The following SEPTIN6 variants were observed in gnomAD, a reference collection of about 807,000 sequenced individuals.
SEPTIN6 encodes the protein septin 6.
Under a neutral mutation model 33.6 loss-of-function variants are expected in SEPTIN6, and 8 were observed. The observed-to-expected ratio is 0.24, with a 90% CI of 0.14 to 0.43. The LOEUF is 0.43. Among genes scored for constraint, SEPTIN6 ranks in the 20% least tolerant of loss-of-function variants. SEPTIN6 has a pLI of 1.00. For missense variants in SEPTIN6, 250 were observed against 340.8 expected (o/e 0.73, Z 2.10); for synonymous variants, 131 against 140.0 (o/e 0.94, Z 0.45).
chrX:119,692,986 C>G (rs1276751889), intron 1 of SEPTIN6, 90 bp downstream of exon 1: 1 of 974,099 alleles, frequency 1.0e-6, no homozygotes, highest in African/African-American at 1.9e-5. Flanking sequence ...CTGCCCACTG[C>G]CCTCCTCGCG....
chrX:119,626,969 G>A (rs1046800721), intron 9 of SEPTIN6, among the ~76,000 whole-genome samples: 3 of 111,967 alleles, frequency 2.7e-5, no homozygotes, highest in Non-Finnish European at 5.6e-5. Context: ...TTACAGGCGT[G>A]AGCCACCGTA....
chrX:119,629,973 A>G (rs969893922), intron 8 of SEPTIN6, among the ~76,000 whole-genome samples: 3 of 111,037 alleles, frequency 2.7e-5, no homozygotes, highest in Admixed American at 9.6e-5. Context: ...TACAAAAATT[A>G]GCCAGGCATT....
At chrX:119,629,055 T>A (rs1245913196) in intron 9 of SEPTIN6, 1 of 322,569 alleles carries the variant, frequency 3.1e-6, no homozygotes, top group Non-Finnish European at 5.4e-6. Flanking sequence ...GGACCTTGAG[T>A]TTGCAGGGCT....
intron 3 of SEPTIN6, among the ~76,000 whole-genome samples, chrX:119,654,577 A>G (rs1196972739): frequency 8.9e-6 from 1 of 111,732 alleles, no homozygotes; most frequent in Non-Finnish European, 1.9e-5. Flanking sequence ...TTTCTGAAAG[A>G]TCCCCCTAGT....
chrX:119,634,059 G>C (rs1348552933), intron 7 of SEPTIN6, among the ~76,000 whole-genome samples: 2 of 111,852 alleles, frequency 1.8e-5, no homozygotes, highest in African/African-American at 6.5e-5. Context: ...CCTGGCCTAA[G>C]CTTATTTTTA....
intron 5 of SEPTIN6, among the ~76,000 whole-genome samples, chrX:119,645,504 C>T (rs1193590368): frequency 2.7e-5 from 3 of 109,907 alleles, no homozygotes; most frequent in African/African-American, 9.9e-5. Context: ...TTCAAGCGAT[C>T]CTCCTGCCTC....
At chrX:119,673,753 A>C (rs1269906360) in intron 2 of SEPTIN6, among the ~76,000 whole-genome samples, 1 of 105,148 alleles carries the variant, frequency 9.5e-6, no homozygotes, top group Non-Finnish European at 1.9e-5. Flanking sequence ...GAGGCAGGAG[A>C]ATCGCTTGAA....
intron 1 of SEPTIN6, chrX:119,686,548 A>G (rs2055059599): frequency 2.2e-6 from 2 of 924,038 alleles, no homozygotes; most frequent in Non-Finnish European, 2.8e-6. Flanking sequence ...AGAGGATAAC[A>G]TTATTTCTCA....
chrX:119,675,603 C>T lies in SEPTIN6; in HGVS notation c.96G>A (p.Leu32=). ...AGCCCTGGCTGACGGACTTATTCAC[C>T]AGCTGGTCAGGCAAGCTGTCAAACC... is the stretch of plus-strand genomic sequence containing the variant. ...HVGFDSLPDQ[L]VNKSVSQGFC... Residue 32 remains leucine, a synonymous_variant, in exon 2 of 11, where the codon CTG becomes CTA. Transcript: ENST00000394610. 1.7e-6 allele frequency: 2 copies of T among 1,170,572 alleles called. No homozygotes were observed. Among genetic ancestry groups the T allele is most frequent in the Non-Finnish European group, 2.3e-6 (2 of 871,438 alleles).
At chrX:119,689,627 C>T (rs2055124011) in intron 1 of SEPTIN6, among the ~76,000 whole-genome samples, 1 of 111,636 alleles carries the variant, frequency 9.0e-6, no homozygotes, top group South Asian at 3.7e-4. Flanking sequence ...CAGGTGCCCG[C>T]CACCACGCCT....
intron 1 of SEPTIN6, among the ~76,000 whole-genome samples, chrX:119,691,006 C>T (rs2055163053): frequency 9.0e-6 from 1 of 111,204 alleles, no homozygotes; most frequent in Non-Finnish European, 1.9e-5. Context: ...CCATTTATCA[C>T]GATAACAAGG....
intron 8 of SEPTIN6, among the ~76,000 whole-genome samples, chrX:119,631,433 G>T (rs1180878309): frequency 2.7e-5 from 3 of 110,433 alleles, no homozygotes; most frequent in African/African-American, 9.9e-5. Flanking sequence ...GCCCACCTTG[G>T]CCTCCCAAAG....
chrX:119,646,848 C>T (rs1295892555), intron 5 of SEPTIN6: 2 of 240,779 alleles, frequency 8.3e-6, no homozygotes, highest in African/African-American at 2.8e-5. Context: ...CCTGAGGATG[C>T]AGCTTCATAC....
At chrX:119,645,980 A>T in intron 5 of SEPTIN6, among the ~76,000 whole-genome samples, 1 of 112,232 alleles carries the variant, frequency 8.9e-6, no homozygotes, top group East Asian at 2.8e-4. Flanking sequence ...GAGTTACTTT[A>T]TTCTTATTTC....
chrX:119,654,246 GTC>G (rs1187619276), intron 3 of SEPTIN6, among the ~76,000 whole-genome samples: 3 of 111,048 alleles, frequency 2.7e-5, no homozygotes, highest in East Asian at 2.8e-4. Flanking sequence ...AGCCCTCTAT[GTC>G]TCTCTTTCCT....
Position 119,663,463 on chromosome X carries a change from A to ACCCCC in SEPTIN6, c.341+18_341+19insGGGGG. On this transcript the variant is annotated intron_variant, in intron 3 of 10. Coordinates refer to ENST00000394610, the MANE Select transcript of SEPTIN6 (RefSeq NM_145799.4). ...TCTACCAACCTCCCCACCCTACCCC[A>ACCCCC]CCCCACCGCCTTCTTTACCTGTCCT... The ACCCCC allele has an allele frequency of 3.2e-6, 1 of 313,664 alleles. No homozygotes were observed. The highest frequency in any genetic ancestry group is 5.3e-6 in the Non-Finnish European group (1 of 189,476). 25.8% of individuals were successfully genotyped at this position (313,664 alleles called of 1,213,427 possible). A position where few individuals can be genotyped will look rare whatever the true frequency, so the allele number is the denominator to read the frequency against.
At chrX:119,658,558 AG>A (rs1334435312) in intron 3 of SEPTIN6, among the ~76,000 whole-genome samples, 1 of 112,315 alleles carries the variant, frequency 8.9e-6, no homozygotes, top group Non-Finnish European at 1.9e-5. Flanking sequence ...TATACTTAAA[AG>A]GTGGAACTGC....
At chrX:119,670,917 G>A (rs1419860958) in intron 2 of SEPTIN6, among the ~76,000 whole-genome samples, 7 of 99,480 alleles carry the variant, frequency 7.0e-5, no homozygotes, top group African/African-American at 2.6e-4. Flanking sequence ...CAGCCTGGGT[G>A]ACAAGAGCGA....
chrX:119,618,312 C>T lies in SEPTIN6; in HGVS notation c.*1781G>A, dbSNP rs1217047837. 2.5e-6 allele frequency: 2 copies of T among 810,196 alleles called. No homozygotes were observed. Among genetic ancestry groups the T allele is most frequent in the African/African-American group, 4.4e-5 (2 of 45,560 alleles). The allele number at this position is 810,196 out of a possible 1,213,427, so 66.8% of individuals were successfully genotyped here. The stretch of plus-strand genomic sequence containing the variant: ...CCTTCATACTTGCTCTGGTCACTCA[C>T]CAATCAATAGAGCACCAAACCTACA... On this transcript the variant is annotated 3_prime_UTR_variant, in exon 11 of 11. Transcript: ENST00000394610.
Sources: gnomAD v4.1 joint callset for allele counts (sites outside exome capture counted in the v4.1 genomes callset) on GRCh38, gnomAD v4.1.1 for gene constraint, MANE v1.5 for transcripts, NCBI Gene and HGNC (gene_info 2026-07-23, HGNC 2026-07-21) for gene names.